TRIQK: variants seen among roughly 807,000 people sequenced by gnomAD.
TRIQK encodes the protein triple QxxK/R motif-containing protein.
TRIQK carries 10 observed loss-of-function variants against 10.8 expected under a neutral mutation model. That is an observed-to-expected ratio of 0.92 (90% CI 0.57 to 1.57). TRIQK has a LOEUF of 1.57. Ranked by LOEUF, TRIQK falls within the 40% of genes most tolerant of loss-of-function variation. The pLI is 0.00. For synonymous variants in TRIQK, 33 were observed against 33.7 expected, an observed-to-expected ratio of 0.98 and a Z score of 0.07; for missense variants, 107 against 97.7, an observed-to-expected ratio of 1.09 and a Z score of -0.40.
At position 92,933,929 on chromosome 8, in the gene TRIQK, C is replaced by A. The variant is rs534746112; in HGVS notation, c.-21-16919G>T. On this transcript the variant is annotated intron_variant, in intron 2 of 4. Coordinates refer to ENST00000521988, the MANE Select transcript of TRIQK (RefSeq NM_001171797.2). ...CACTTATGCTAATTTTTAGTCATTT[C>A]TATGTGTATTATCAATTTCAAGTAA... Among the ~76,000 whole-genome samples, 4 of 152,106 alleles carry A rather than the reference C, an allele frequency of 2.6e-5. No individual in the cohort carries two copies. The South Asian group carries it at 8.3e-4, about 32-fold the overall frequency.
chr8:92,924,451 G>A (rs1328164934), intron 2 of TRIQK, among the ~76,000 whole-genome samples: 4 of 151,948 alleles, frequency 2.6e-5, no homozygotes, highest in Non-Finnish European at 4.4e-5. Flanking sequence ...AAGCTCATTC[G>A]TGTTTCCAGG....
chr8:92,922,758 G>C (rs968289610), intron 2 of TRIQK, among the ~76,000 whole-genome samples: 19 of 151,612 alleles, frequency 1.3e-4, no homozygotes, highest in Non-Finnish European at 2.8e-4. Context: ...TTTATGAACA[G>C]ACATTTTATA....
chr8:92,939,880 C>A (rs1811182531), intron 2 of TRIQK, among the ~76,000 whole-genome samples: 1 of 152,158 alleles, frequency 6.6e-6, no homozygotes, highest in Non-Finnish European at 1.5e-5. Context: ...TCCCACCTGT[C>A]CAGAGCAGCA....
chr8:92,922,708 G>GA (rs1810250970), intron 2 of TRIQK: 1 of 151,686 alleles, frequency 6.6e-6, no homozygotes. Context: ...TTATGCCACG[G>GA]AAAAATCTAA....
At chr8:92,908,654 C>A (rs570609646) in intron 3 of TRIQK, among the ~76,000 whole-genome samples, 57 of 152,206 alleles carry the variant, frequency 3.7e-4, no homozygotes, top group African/African-American at 1.3e-3. Context: ...GTTCTATTCA[C>A]TGTCTGATCT....
intron 2 of TRIQK, among the ~76,000 whole-genome samples, chr8:92,928,624 A>C (rs982631961): frequency 1.1e-4 from 17 of 152,250 alleles, no homozygotes; most frequent in Middle Eastern, 3.4e-3. Flanking sequence ...AGAACCATTG[A>C]TTATCTTTTT....
chr8:92,988,008 T>C (rs1322476601), intron 1 of TRIQK, among the ~76,000 whole-genome samples: 8 of 130,782 alleles, frequency 6.1e-5, no homozygotes, highest in Non-Finnish European at 1.3e-4. Context: ...TTCTTTTTTT[T>C]TTTTTTTTTT....
chr8:92,886,044 C>T lies in TRIQK; in HGVS notation c.*578G>A, dbSNP rs1816458030. The T allele has an allele frequency of 6.6e-6, 1 of 151,656 alleles. No individual in the cohort carries two copies. Among genetic ancestry groups the T allele is most frequent in the Admixed American group, 6.6e-5 (1 of 15,176 alleles). 9.4% of individuals were successfully genotyped at this position (151,656 alleles called of 1,614,324 possible). A position where few individuals can be genotyped will look rare whatever the true frequency, so the allele number is the denominator to read the frequency against. ...ATGTGACTCTTTGAGCTTCTGTCAT[C>T]CAGGTGCCATTTCTGATGCAGCACA... On this transcript the variant is annotated 3_prime_UTR_variant, in exon 5 of 5. Transcript: ENST00000521988.
chr8:92,971,880 G>A (rs1453315841), intron 1 of TRIQK, among the ~76,000 whole-genome samples: 1 of 152,000 alleles, frequency 6.6e-6, no homozygotes, highest in East Asian at 1.9e-4. Flanking sequence ...AGGCATCACG[G>A]TATCCAACTT....
intron 3 of TRIQK, among the ~76,000 whole-genome samples, chr8:92,909,043 T>C (rs1175686647): frequency 6.6e-6 from 1 of 151,904 alleles, no homozygotes; most frequent in African/African-American, 2.4e-5. Flanking sequence ...AGCTGCCATA[T>C]GAACACAATG....
intron 3 of TRIQK, among the ~76,000 whole-genome samples, chr8:92,899,861 T>A (rs1808827064): frequency 6.6e-6 from 1 of 152,156 alleles, no homozygotes; most frequent in Admixed American, 6.5e-5. Context: ...TAATTTACAT[T>A]CCCACCAACA....
chr8:92,999,906 A>T (rs1813191285), intron 1 of TRIQK, among the ~76,000 whole-genome samples: 1 of 152,160 alleles, frequency 6.6e-6, no homozygotes, highest in Non-Finnish European at 1.5e-5. Context: ...CTTGACAAAA[A>T]ACCTGCTTAC....
chr8:92,896,471 A>G (rs542334288), intron 3 of TRIQK, among the ~76,000 whole-genome samples: 1 of 152,272 alleles, frequency 6.6e-6, no homozygotes, highest in Non-Finnish European at 1.5e-5. Context: ...GAGAAAAGCC[A>G]CCTCAGAGAC....
chr8:92,952,005 C>A (rs1811936370), intron 2 of TRIQK, among the ~76,000 whole-genome samples: 1 of 151,720 alleles, frequency 6.6e-6, no homozygotes, highest in South Asian at 2.1e-4. Context: ...TACTAGAGGC[C>A]TATTTACAGC....
intron 3 of TRIQK, among the ~76,000 whole-genome samples, chr8:92,898,643 G>T (rs968316517): frequency 2.0e-5 from 3 of 151,388 alleles, no homozygotes; most frequent in Admixed American, 6.6e-5. Flanking sequence ...TAGTATGTTG[G>T]ATTTTTACAT....
chr8:92,966,559 G>T (rs1449833868), upstream of TRIQK, among the ~76,000 whole-genome samples: 2 of 152,068 alleles, frequency 1.3e-5, no homozygotes, highest in Non-Finnish European at 2.9e-5. Context: ...ATAAATTTAG[G>T]AAAGATTGCA....
At chr8:92,986,387 T>G (rs941767871) in intron 1 of TRIQK, among the ~76,000 whole-genome samples, 2 of 152,166 alleles carry the variant, frequency 1.3e-5, no homozygotes, top group Admixed American at 6.5e-5. Context: ...ACAGACAAAA[T>G]GCAACCATTT....
intron 1 of TRIQK, among the ~76,000 whole-genome samples, chr8:93,013,034 A>G (rs10096557): frequency 0.14 from 21,489 of 152,094 alleles, 1,533 homozygotes; most frequent in East Asian, 0.18. Flanking sequence ...TCTGAGAACC[A>G]TGATGTCCTA....
At chr8:92,911,507 T>G (rs553147122) in intron 3 of TRIQK, among the ~76,000 whole-genome samples, 300 of 151,470 alleles carry the variant, frequency 2.0e-3, no homozygotes, top group Non-Finnish European at 3.6e-3. Context: ...AAAAAAAGGT[T>G]CAGTTATATG....
Sources: allele counts gnomAD v4.1 joint callset (sites outside exome capture counted in the v4.1 genomes callset), GRCh38; gene constraint gnomAD v4.1.1; transcripts MANE v1.5; gene names NCBI Gene and HGNC (gene_info 2026-07-23, HGNC 2026-07-21).